Variants in HEG1 observed in about 807,000 individuals in gnomAD.
HEG1 encodes the protein heart development protein with EGF like domains 1.
Under a neutral mutation model 125.6 loss-of-function variants are expected in HEG1, and 56 were observed. That is an observed-to-expected ratio of 0.45 (90% CI 0.36 to 0.56). The LOEUF (loss-of-function observed/expected upper bound fraction) is 0.56. HEG1 is among the 20% of genes least tolerant of loss of function. HEG1 has a pLI of 0.00. For synonymous variants in HEG1, 644 were observed against 668.5 expected, an observed-to-expected ratio of 0.96 and a Z score of 0.57; for missense variants, 1,523 against 1,670.0, an observed-to-expected ratio of 0.91 and a Z score of 1.53.
chr3:125,030,091 A>G (rs2107707766), intron 1 of HEG1, among the ~76,000 whole-genome samples: 1 of 152,330 alleles, frequency 6.6e-6, no homozygotes, highest in East Asian at 1.9e-4. Context: ...GTGCAGGGTC[A>G]GAGAGGGGAT....
intron 3 of HEG1, among the ~76,000 whole-genome samples, chr3:125,024,305 C>T (rs1300136620): frequency 6.6e-6 from 1 of 152,204 alleles, no homozygotes; most frequent in Non-Finnish European, 1.5e-5. Flanking sequence ...TGTATGCTTA[C>T]TTTATCTGAA....
intron 12 of HEG1, among the ~76,000 whole-genome samples, chr3:124,995,311 A>C (rs1936904083): frequency 6.6e-6 from 1 of 152,174 alleles, no homozygotes; most frequent in African/African-American, 2.4e-5. Context: ...AAAAGAAAAA[A>C]AAAAAAGAAT....
intron 16 of HEG1, chr3:124,971,159 GAGGGGC>G (rs757805202): frequency 1.3e-4 from 60 of 472,718 alleles, no homozygotes; most frequent in Middle Eastern, 6.3e-4. Context: ...CTGGGAATAA[GAGGGGC>G]TACTTTGAGG....
chr3:125,022,943 C>T (rs1464592529), intron 3 of HEG1, among the ~76,000 whole-genome samples: 1 of 152,154 alleles, frequency 6.6e-6, no homozygotes, highest in Admixed American at 6.5e-5. Context: ...CCTGTAATCC[C>T]AGCACTTTGG....
intron 14 of HEG1, among the ~76,000 whole-genome samples, chr3:124,989,072 CAA>C (rs1339503479): frequency 6.6e-6 from 1 of 152,274 alleles, no homozygotes; most frequent in East Asian, 1.9e-4. Flanking sequence ...ATCAGATGAC[CAA>C]AGTCATCAGT....
At chr3:124,972,242 G>A (rs538795159) in intron 16 of HEG1, 5 of 152,380 alleles carry the variant, frequency 3.3e-5, no homozygotes, top group Non-Finnish European at 5.9e-5. Context: ...TTATTGAACC[G>A]TGCTGGGGCT....
At chr3:124,986,569 A>T (rs1337747500) in intron 14 of HEG1, among the ~76,000 whole-genome samples, 1 of 152,250 alleles carries the variant, frequency 6.6e-6, no homozygotes, top group Non-Finnish European at 1.5e-5. Context: ...ACTGTCTTGC[A>T]ACACTGAAAC....
intron 1 of HEG1, among the ~76,000 whole-genome samples, chr3:125,052,219 C>A (rs1468204115): frequency 2.0e-5 from 3 of 151,676 alleles, no homozygotes; most frequent in Admixed American, 6.6e-5. Flanking sequence ...CCCCAAGCCT[C>A]CGCCAGGAGT....
chr3:125,033,343 G>T (rs902271318), intron 1 of HEG1, among the ~76,000 whole-genome samples: 1 of 152,082 alleles, frequency 6.6e-6, no homozygotes, highest in Non-Finnish European at 1.5e-5. Flanking sequence ...CAAGAATCAG[G>T]AGATGGGAGC....
At chr3:125,003,834 C>A (rs1553777187) in intron 9 of HEG1, among the ~76,000 whole-genome samples, 1 of 152,246 alleles carries the variant, frequency 6.6e-6, no homozygotes, top group Non-Finnish European at 1.5e-5. Context: ...CTCTCCCGGA[C>A]TCTCTGCCCC....
chr3:125,010,397 G>A lies in HEG1; in HGVS notation c.3073+42C>T, dbSNP rs376392642. On this transcript the variant is annotated intron_variant, in intron 7 of 16. Coordinates refer to ENST00000311127, the MANE Select transcript of HEG1 (RefSeq NM_020733.2). Reference sequence around the variant, plus strand: ...AGGAGTTTATTGGGTAGCCCAACGTGGTACTGTGGTGCAGACCACTGGGCG... The same window carrying A: ...AGGAGTTTATTGGGTAGCCCAACGTAGTACTGTGGTGCAGACCACTGGGCG... The A allele has an allele frequency of 3.1e-4, 382 of 1,247,928 alleles. 4 individuals are homozygous for A. The African/African-American group carries it at 5.0e-3, about 16-fold the overall frequency. 77.3% of individuals were successfully genotyped at this position (1,247,928 alleles called of 1,614,324 possible). A position where few individuals can be genotyped will look rare whatever the true frequency, so the allele number is the denominator to read the frequency against.
intron 6 of HEG1, among the ~76,000 whole-genome samples, chr3:125,011,082 T>C (rs1182761972): frequency 6.6e-6 from 1 of 152,200 alleles, no homozygotes; most frequent in Non-Finnish European, 1.5e-5. Flanking sequence ...CCACATATTG[T>C]GCCATATTTA....
intron 1 of HEG1, among the ~76,000 whole-genome samples, chr3:125,043,145 C>T (rs937353043): frequency 1.2e-4 from 19 of 152,340 alleles, no homozygotes; most frequent in East Asian, 3.9e-4. Flanking sequence ...AGCGCTCTAG[C>T]GATGAAGAAA....
intron 1 of HEG1, among the ~76,000 whole-genome samples, chr3:125,033,912 T>A (rs1178851581): frequency 6.6e-6 from 1 of 152,208 alleles, no homozygotes; most frequent in Non-Finnish European, 1.5e-5. Flanking sequence ...TATGAGAATC[T>A]AATGCCTGAT....
At chr3:125,048,445 G>A (rs1937728683) in intron 1 of HEG1, among the ~76,000 whole-genome samples, 1 of 152,228 alleles carries the variant, frequency 6.6e-6, no homozygotes, top group Admixed American at 6.5e-5. Context: ...GCTGGGTCCT[G>A]CCTTAGATCA....
chr3:124,973,731 C>G lies in HEG1; in HGVS notation c.3996G>C (p.Ser1332=). The G allele has an allele frequency of 6.2e-7, 1 of 1,607,078 alleles. No individual in the cohort carries two copies. Among genetic ancestry groups the G allele is most frequent in the Non-Finnish European group, 8.5e-7 (1 of 1,176,700 alleles). ...GTCATCCTGACACAGGAATACACAC[C>G]GAGTAGTACACATCCGTCATCTGGA... The part of the protein sequence containing the change: ...NLLQMTDVYY[S]PTSVRNPELE... The change falls in exon 16 of 17, where the codon TCG becomes TCC. Residue 1332 remains serine (S), a splice_region_variant and synonymous_variant. Transcript: ENST00000311127.
At chr3:125,021,623 G>A (rs574621888) in intron 3 of HEG1, among the ~76,000 whole-genome samples, 3 of 152,322 alleles carry the variant, frequency 2.0e-5, no homozygotes, top group African/African-American at 4.8e-5. Flanking sequence ...TGAGGAGGCC[G>A]AGGGTTTTGC....
At chr3:125,021,662 G>A (rs1937337415) in intron 3 of HEG1, among the ~76,000 whole-genome samples, 2 of 152,200 alleles carry the variant, frequency 1.3e-5, no homozygotes, top group Non-Finnish European at 2.9e-5. Context: ...TCATGGCCTA[G>A]AGCAGTAATT....
At chr3:124,987,954 T>C (rs542339974) in intron 14 of HEG1, among the ~76,000 whole-genome samples, 6,247 of 37,444 alleles carry the variant, frequency 0.17, 553 homozygotes, top group African/African-American at 0.3. Flanking sequence ...CACACACACA[T>C]ATATATATAT....
Sources: gnomAD v4.1 joint callset for allele counts (sites outside exome capture counted in the v4.1 genomes callset) on GRCh38, gnomAD v4.1.1 for gene constraint, MANE v1.5 for transcripts, NCBI Gene and HGNC (gene_info 2026-07-23, HGNC 2026-07-21) for gene names.